PPP1R10: variants seen among roughly 807,000 people sequenced by gnomAD.
The protein encoded by PPP1R10 is protein phosphatase 1 regulatory subunit 10.
In PPP1R10, 15 loss-of-function variants were observed where a neutral mutation model predicts 99.0. The ratio of observed to expected loss-of-function variants is 0.15; its 90% CI spans 0.10 to 0.23. The LOEUF (loss-of-function observed/expected upper bound fraction) is 0.23. Ranked by LOEUF, PPP1R10 falls within the 10% of genes least tolerant of loss-of-function variation. The probability of loss-of-function intolerance (pLI) is 1.00; values close to 1 mark genes in which losing one functional copy is unlikely to be tolerated. For missense variants in PPP1R10, 947 were observed against 1,259.4 expected, an observed-to-expected ratio of 0.75 and a Z score of 3.75; for synonymous variants, 430 against 449.5, an observed-to-expected ratio of 0.96 and a Z score of 0.55.
intron 2 of PPP1R10, among the ~76,000 whole-genome samples, chr6:30,615,357 G>C (rs1011589400): frequency 6.6e-6 from 1 of 152,068 alleles, no homozygotes; most frequent in East Asian, 1.9e-4. Flanking sequence ...TTTCTGCAGG[G>C]AAGAACTGAA....
Position 30,609,043 on chromosome 6 carries a change from C to A in PPP1R10, c.194+34G>T. 6.2e-7 allele frequency: 1 copy of A among 1,613,576 alleles called. No homozygotes were observed. The highest frequency in any genetic ancestry group is 8.5e-7 in the Non-Finnish European group (1 of 1,179,576). ...CTCACCGCCCCATCTTTTCGCTACA[C>A]CTTCCCATTCCAACCATCCAGATCC... On this transcript the variant is annotated intron_variant, in intron 4 of 19. Transcript: ENST00000376511. This position sits in a 1 kb window ranked among gnomAD's most constrained non-coding sequence, Gnocchi z 4.5.
intron 5 of PPP1R10, 71 bp downstream of exon 5, chr6:30,608,708 G>C: frequency 6.6e-7 from 1 of 1,514,544 alleles, no homozygotes; most frequent in East Asian, 2.3e-5. Flanking sequence ...AGCCACATCA[G>C]TCAGTTTGAG....
Position 30,604,843 on chromosome 6 carries a change from A to C in PPP1R10, c.955-108T>G. On this transcript the variant is annotated intron_variant, in intron 11 of 19. Transcript: ENST00000376511. This position sits in a 1 kb window ranked among gnomAD's most constrained non-coding sequence, Gnocchi z 7.3. ...CCCAACAGTTCCTATATAAAGGAAG[A>C]CTCTGTCTCCACAATGTCTCACCTG... The C allele has an allele frequency of 1.9e-6, 3 of 1,548,684 alleles. No homozygotes were observed. The highest frequency in any genetic ancestry group is 1.1e-5 in the South Asian group (1 of 89,746).
Position 30,604,617 on chromosome 6 carries a change from G to C in PPP1R10, c.1073C>G (p.Pro358Arg). Residue 358 changes from proline (P) to arginine (R), a missense_variant, in exon 12 of 20, where the codon CCT (proline) becomes CGT (arginine). By Grantham distance (103) the Pro-to-Arg change is moderately radical. Coordinates refer to ENST00000376511, the MANE Select transcript of PPP1R10 (RefSeq NM_002714.4). This position sits in a 1 kb window ranked among gnomAD's most constrained non-coding sequence, Gnocchi z 7.3. ...DADRPGTPVPPVEVPELMDTA... is the reference protein window; with the variant it reads ...DADRPGTPVPRVEVPELMDTA... ...ATCCATGAGCTCCGGGACTTCAACA[G>C]GGGGAACCGGGGTGCCTGGACGGTC... 1 of 1,613,090 alleles carries C rather than the reference G, an allele frequency of 6.2e-7. No homozygotes were observed. The highest frequency in any genetic ancestry group is 1.3e-5 in the African/African-American group (1 of 75,046).
rs1038956169 is a variant in PPP1R10 at position 30,604,605 on chromosome 6, G to A, written c.1085C>T (p.Pro362Leu). The A allele has an allele frequency of 9.3e-6, 15 of 1,612,896 alleles. No homozygotes were observed. Among genetic ancestry groups the A allele is most frequent in the African/African-American group, 4.0e-5 (3 of 74,890 alleles). Reference sequence around the variant, plus strand: ...TAGATTACCTGTATCCATGAGCTCCGGGACTTCAACAGGGGGAACCGGGGT... The same window carrying A: ...TAGATTACCTGTATCCATGAGCTCCAGGACTTCAACAGGGGGAACCGGGGT... ...PGTPVPPVEV[P>L]ELMDTASLEP... Residue 362 changes from proline to leucine, a missense_variant, in exon 12 of 20, where the codon CCG becomes CTG. Physicochemically the swap from Pro to Leu is moderately conservative, Grantham distance 98. Transcript: ENST00000376511. This position sits in a 1 kb window ranked among gnomAD's most constrained non-coding sequence, Gnocchi z 7.3.
rs891282713 is a variant in PPP1R10, at chr6:30,601,475, A to G, written c.*74T>C. On this transcript the variant is annotated 3_prime_UTR_variant, in exon 20 of 20. Coordinates refer to ENST00000376511, the MANE Select transcript of PPP1R10 (RefSeq NM_002714.4). ...GGGGAAAAGGGAAAATGGGCCTCAC[A>G]GAAGCCATAACAGGGTGGAAAGAGC... The G allele has an allele frequency of 7.3e-5, 95 of 1,299,818 alleles. No individual in the cohort carries two copies. Among genetic ancestry groups the G allele is most frequent in the Admixed American group, 1.1e-4 (6 of 52,534 alleles). 80.5% of individuals were successfully genotyped at this position (1,299,818 alleles called of 1,614,324 possible).
rs550181849 is a variant in PPP1R10, at chr6:30,608,207, G to T, written c.331-316C>A. 1.9e-3 allele frequency among the ~76,000 whole-genome samples: 284 copies of T among 151,754 alleles called. 2 individuals are homozygous for T. The highest frequency in any genetic ancestry group is 3.7e-3 in the Admixed American group (57 of 15,250). ...AGTTTTATCATTTTTGCCCACGCTG[G>T]TCTTGAACTACTGGGCTCAAGCAAT... On this transcript the variant is annotated intron_variant, in intron 5 of 19. Coordinates refer to ENST00000376511, the MANE Select transcript of PPP1R10 (RefSeq NM_002714.4).
At position 30,600,505 on chromosome 6, in the gene PPP1R10, A is replaced by C. The variant is rs1803196914; in HGVS notation, c.*1044T>G. The C allele has an allele frequency of 6.6e-6, 1 of 152,608 alleles. No individual in the cohort carries two copies. Among genetic ancestry groups the C allele is most frequent in the Non-Finnish European group, 1.5e-5 (1 of 68,034 alleles). 9.5% of individuals were successfully genotyped at this position (152,608 alleles called of 1,614,324 possible). On this transcript the variant is annotated 3_prime_UTR_variant, in exon 20 of 20. Coordinates refer to ENST00000376511, the MANE Select transcript of PPP1R10 (RefSeq NM_002714.4). Reference sequence around the variant, plus strand: ...AAATCCATTTTGGCTCTAACCCAAGACCCTGCACAAAACCCAACCAATCCA... The same window carrying C: ...AAATCCATTTTGGCTCTAACCCAAGCCCCTGCACAAAACCCAACCAATCCA...
rs1183728543 is a variant in PPP1R10 at position 30,610,377 on chromosome 6, A to G, written c.-11-422T>C. On this transcript the variant is annotated intron_variant, in intron 2 of 19. Coordinates refer to ENST00000376511, the MANE Select transcript of PPP1R10 (RefSeq NM_002714.4). ...GTTGCTGATAAATTTGGCTTGAAAA[A>G]CAGCCTATAGCTTGATAGAAATTGG... Among the ~76,000 whole-genome samples the G allele has an allele frequency of 2.6e-5, 4 of 152,330 alleles. No individual in the cohort carries two copies. The East Asian group carries it at 5.8e-4, about 22-fold the overall frequency.
rs751332446 is a variant in PPP1R10 at position 30,604,908 on chromosome 6, TC to T, written c.954+85del. 6.6e-7 allele frequency: 1 copy of T among 1,517,386 alleles called. No homozygotes were observed. The highest frequency in any genetic ancestry group is 1.1e-5 in the South Asian group (1 of 88,926). 94.0% of individuals were successfully genotyped at this position (1,517,386 alleles called of 1,614,324 possible). Reference sequence around the variant, plus strand: ...CAAGGCAAAACGCCTCTTGTTGTCCTCCCCGACAACTCCTAGCTGCTGTGCC... The same window carrying T: ...CAAGGCAAAACGCCTCTTGTTGTCCTCCCGACAACTCCTAGCTGCTGTGCC... On this transcript the variant is annotated intron_variant, in intron 11 of 19. Transcript: ENST00000376511. This position sits in a 1 kb window ranked among gnomAD's most constrained non-coding sequence, Gnocchi z 7.3.
At chr6:30,615,449 C>A (rs1760376246) in intron 2 of PPP1R10, among the ~76,000 whole-genome samples, 2 of 152,270 alleles carry the variant, frequency 1.3e-5, no homozygotes, top group East Asian at 3.9e-4. Context: ...GACTTGGACC[C>A]CTCTCAACAA....
intron 2 of PPP1R10, among the ~76,000 whole-genome samples, chr6:30,616,082 C>T (rs750884959): frequency 1.3e-5 from 2 of 152,198 alleles, no homozygotes; most frequent in Non-Finnish European, 2.9e-5. Flanking sequence ...CCACAAGATC[C>T]ACCATCTCTT....
rs913716894 is a variant in PPP1R10 at position 30,616,934 on chromosome 6, A to C, written c.-468T>G. On this transcript the variant is annotated 5_prime_UTR_variant, in exon 2 of 20. Transcript: ENST00000376511. ...TCTCAGGATCCTTTCAAGGGCTTAGATGTTGCTGCGGCTTGTTTCTGTTTT... is the reference window on the plus strand; with the variant it reads ...TCTCAGGATCCTTTCAAGGGCTTAGCTGTTGCTGCGGCTTGTTTCTGTTTT... 1 of 152,222 alleles carries C rather than the reference A, an allele frequency of 6.6e-6. No homozygotes were observed. Among genetic ancestry groups the C allele is most frequent in the Non-Finnish European group, 1.5e-5 (1 of 68,064 alleles). 9.4% of individuals were successfully genotyped at this position (152,222 alleles called of 1,614,324 possible). A position where few individuals can be genotyped will look rare whatever the true frequency, so the allele number is the denominator to read the frequency against.
chr6:30,603,979 T>G (rs1331902653), intron 14 of PPP1R10, 29 bp downstream of exon 14: 1 of 1,556,770 alleles, frequency 6.4e-7, no homozygotes, highest in Admixed American at 1.9e-5. Context: ...GCACTCAACA[T>G]CCCAGGGCAC....
In PPP1R10 at chr6:30,604,668, G is replaced by C. The variant is rs1438508168; in HGVS notation, c.1022C>G (p.Ala341Gly). The C allele has an allele frequency of 6.2e-7, 1 of 1,613,166 alleles. No homozygotes were observed. The highest frequency in any genetic ancestry group is 8.5e-7 in the Non-Finnish European group (1 of 1,180,046). ...TGCGTCCATTGCCTCAGAAGGTGGTGCTGGTTCTGGGGAAGAAGGTTTGGC... is the reference window on the plus strand; with the variant it reads ...TGCGTCCATTGCCTCAGAAGGTGGTCCTGGTTCTGGGGAAGAAGGTTTGGC... ...STAKPSSPEP[A>G]PPSEAMDADR... Residue 341 changes from alanine to glycine, a missense_variant, in exon 12 of 20, where the codon GCA becomes GGA. By Grantham distance (60) the Ala-to-Gly change is moderately conservative. Coordinates refer to ENST00000376511, the MANE Select transcript of PPP1R10 (RefSeq NM_002714.4). The surrounding 1 kb of genome is among the most constrained non-coding windows in gnomAD (Gnocchi z 7.3).
chr6:30,616,275 G>A (rs1760523625), intron 2 of PPP1R10, among the ~76,000 whole-genome samples: 1 of 152,218 alleles, frequency 6.6e-6, no homozygotes, highest in Non-Finnish European at 1.5e-5. Flanking sequence ...GCAAGGCAGG[G>A]AAGAGATAGG....
intron 2 of PPP1R10, 89 bp from the exon 3 acceptor site, chr6:30,610,044 A>G (rs1005357326): frequency 3.0e-5 from 24 of 794,242 alleles, no homozygotes; most frequent in Non-Finnish European, 4.5e-5. Flanking sequence ...CCACATCTCT[A>G]TATTTGACAA....
Position 30,602,703 on chromosome 6 carries a change from CAA to C in PPP1R10, c.1958-14_1958-13del. 1 of 1,604,336 alleles carries C rather than the reference CAA, an allele frequency of 6.2e-7. No individual in the cohort carries two copies. The highest frequency in any genetic ancestry group is 8.5e-7 in the Non-Finnish European group (1 of 1,176,736). On this transcript the variant is annotated splice_polypyrimidine_tract_variant and intron_variant, in intron 18 of 19. Transcript: ENST00000376511. The surrounding 1 kb of genome is among the most constrained non-coding windows in gnomAD (Gnocchi z 6.7). Reference sequence around the variant, plus strand: ...GCCTCCATGGGGACCTGTAAGGGGACAAAAAAGAGAGACAGTATCAGCTACCA... The same window carrying C: ...GCCTCCATGGGGACCTGTAAGGGGACAAAAGAGAGACAGTATCAGCTACCA...
rs1295869608 is a variant in PPP1R10, at chr6:30,604,600, G to A, written c.1090C>T (p.Leu364Phe). The A allele has an allele frequency of 9.3e-6, 15 of 1,612,932 alleles. No homozygotes were observed. The highest frequency in any genetic ancestry group is 1.3e-5 in the Non-Finnish European group (15 of 1,180,042). ...TPVPPVEVPE[L>F]MDTASLEPGA... Reference sequence around the variant, plus strand: ...GTTTCTAGATTACCTGTATCCATGAGCTCCGGGACTTCAACAGGGGGAACC... The same window carrying A: ...GTTTCTAGATTACCTGTATCCATGAACTCCGGGACTTCAACAGGGGGAACC... The change falls in exon 12 of 20, where the codon CTC becomes TTC. Residue 364 changes from leucine to phenylalanine, a missense_variant. Physicochemically the swap from Leu to Phe is conservative, Grantham distance 22. Around this residue, in one of 10 missense-constraint regions of PPP1R10, gnomAD observed 100 missense variants for 105.8 expected, o/e 0.94. Transcript: ENST00000376511. This position sits in a 1 kb window ranked among gnomAD's most constrained non-coding sequence, Gnocchi z 7.3.
Sources: gnomAD v4.1 joint callset for allele counts (sites outside exome capture counted in the v4.1 genomes callset) on GRCh38, gnomAD v4.1.1 for gene constraint, gnomAD v4.1.1 regional missense constraint, Gnocchi (gnomAD v3.1) non-coding constraint, MANE v1.5 for transcripts, NCBI Gene and HGNC (gene_info 2026-07-23, HGNC 2026-07-21) for gene names.